The following TOR1AIP2 variants were observed in gnomAD, a reference collection of about 807,000 sequenced individuals.
TOR1AIP2 encodes torsin-1A-interacting protein 2.
In TOR1AIP2, 20 loss-of-function variants were observed where a neutral mutation model predicts 32.6. The observed-to-expected ratio is 0.61, with a 90% CI of 0.43 to 0.89. The LOEUF (loss-of-function observed/expected upper bound fraction) is 0.89. Among genes scored for constraint, TOR1AIP2 ranks in the 40% least tolerant of loss-of-function variants. TOR1AIP2 has a pLI of 0.00. For synonymous variants in TOR1AIP2, 214 were observed against 210.8 expected (o/e 1.02, Z -0.13); for missense variants, 456 against 553.8 (o/e 0.82, Z 1.77).
chr1:179,856,303 A>C (rs927907295), intron 3 of TOR1AIP2, among the ~76,000 whole-genome samples: 1 of 152,246 alleles, frequency 6.6e-6, no homozygotes, highest in African/African-American at 2.4e-5. Flanking sequence ...AACAAACAGA[A>C]CTGAAGGTTT....
intron 3 of TOR1AIP2, chr1:179,864,913 T>C (rs1191599150): frequency 1.9e-6 from 3 of 1,613,844 alleles, no homozygotes; most frequent in Non-Finnish European, 2.5e-6. Flanking sequence ...CCAGAAGAAA[T>C]GGATGGCAAG....
At chr1:179,852,332 T>G (rs1055355230) in intron 4 of TOR1AIP2, among the ~76,000 whole-genome samples, 1 of 151,878 alleles carries the variant, frequency 6.6e-6, no homozygotes, top group Non-Finnish European at 1.5e-5. Flanking sequence ...TCACAGGATA[T>G]ATATAACTCT....
At chr1:179,860,904 T>C in intron 3 of TOR1AIP2, 1 of 985,478 alleles carries the variant, frequency 1.0e-6, no homozygotes, top group South Asian at 4.7e-5. Context: ...TGCCACATAT[T>C]CTTTGGATGC....
intron 3 of TOR1AIP2, chr1:179,863,418 C>G (rs1339142318): frequency 1.0e-6 from 1 of 985,016 alleles, no homozygotes; most frequent in African/African-American, 1.8e-5. Flanking sequence ...AAAACACTGA[C>G]TTGAAAGAAA....
chr1:179,846,698 C>CA lies in TOR1AIP2; in HGVS notation c.785dup (p.Leu262PhefsTer4). ...AACTCTGGCCTGGAAATTTATCTTCCAATTGGCTAAACTGGGCCAAAAAGG... is the reference window on the plus strand; with the variant it reads ...AACTCTGGCCTGGAAATTTATCTTCCAAATTGGCTAAACTGGGCCAAAAAGG... On this transcript the variant is annotated frameshift_variant, in exon 7 of 7. Coordinates refer to ENST00000609928, the MANE Select transcript of TOR1AIP2 (RefSeq NM_001199260.2). LOFTEE classifies it high-confidence loss of function. The CA allele has an allele frequency of 6.2e-7, 1 of 1,614,132 alleles. No homozygotes were observed. The highest frequency in any genetic ancestry group is 8.5e-7 in the Non-Finnish European group (1 of 1,180,020).
intron 3 of TOR1AIP2, among the ~76,000 whole-genome samples, chr1:179,853,475 A>G (rs1169065680): frequency 1.3e-5 from 2 of 152,188 alleles, no homozygotes; most frequent in Non-Finnish European, 2.9e-5. Context: ...CAATAAAAAC[A>G]GTCATATTTT....
rs758990706 is a variant in TOR1AIP2 at position 179,851,252 on chromosome 1, A to G, written c.146T>C (p.Leu49Pro). The G allele has an allele frequency of 2.6e-5, 42 of 1,612,854 alleles. No individual in the cohort carries two copies. The highest frequency in any genetic ancestry group is 1.6e-4 in the Middle Eastern group (1 of 6,062). The part of the protein sequence containing the change: ...EAEILHSACG[L>P]SKDHQEVETE... ...CTCTACCTCTTGGTGGTCTTTGCTA[A>G]GACCACAGGCAGAGTGTAGGATCTC... The change falls in exon 5 of 7, where the codon CTT becomes CCT. Residue 49 changes from leucine (L) to proline (P), a missense_variant. Leu to Pro is a moderately conservative substitution (Grantham distance 98, BLOSUM62 -3). Coordinates refer to ENST00000609928, the MANE Select transcript of TOR1AIP2 (RefSeq NM_001199260.2).
Position 179,845,049 on chromosome 1 carries a change from T to C in TOR1AIP2, c.*1022A>G, listed in dbSNP as rs553696842. The C allele has an allele frequency of 4.3e-4, 66 of 152,340 alleles. No homozygotes were observed. Among genetic ancestry groups the C allele is most frequent in the African/African-American group, 1.5e-3 (63 of 41,586 alleles). 9.4% of individuals were successfully genotyped at this position (152,340 alleles called of 1,614,324 possible). On this transcript the variant is annotated 3_prime_UTR_variant, in exon 7 of 7. Transcript: ENST00000609928. Reference sequence around the variant, plus strand: ...GCTAGCTTATACATTCTGCTGTTCATGTATAGATCTTTATCCTTCATAAAT... The same window carrying C: ...GCTAGCTTATACATTCTGCTGTTCACGTATAGATCTTTATCCTTCATAAAT...
rs370859262 is a variant in TOR1AIP2 at position 179,864,808 on chromosome 1, T to C, written c.-147+628A>G. The C allele has an allele frequency of 7.5e-6, 12 of 1,603,374 alleles. No homozygotes were observed. In the East Asian group the frequency reaches 1.6e-4, roughly 21 times the overall value. ...ATTTGTTTTGGCCCAGTTTTTTGTT[T>C]AAGGTTTTATCTGTTCTGGTCAAGA... On this transcript the variant is annotated intron_variant, in intron 3 of 6. Coordinates refer to ENST00000609928, the MANE Select transcript of TOR1AIP2 (RefSeq NM_001199260.2).
chr1:179,867,779 G>C (rs1054155587), intron 2 of TOR1AIP2: 1 of 152,130 alleles, frequency 6.6e-6, no homozygotes. Context: ...CCAACCTTCA[G>C]TTTTACAACT....
At position 179,851,119 on chromosome 1, in the gene TOR1AIP2, ACT is replaced by A. The variant is rs1696099807; in HGVS notation, c.277_278del (p.Ser93PhefsTer17). 6.2e-7 allele frequency: 1 copy of A among 1,612,404 alleles called. No individual in the cohort carries two copies. Among genetic ancestry groups the A allele is most frequent in the African/African-American group, 1.3e-5 (1 of 74,290 alleles). The stretch of plus-strand genomic sequence containing the variant: ...GATGCCCTTTTCCGCCATCCAGAAA[ACT>A]CTGCTTGTTCTCATCTTCTGTTTTA... ...KDKTEDENKQ[S>X]FLDGGKGHHL... is the part of the protein sequence containing the mutation. On this transcript the variant is annotated frameshift_variant, in exon 5 of 7. Coordinates refer to ENST00000609928, the MANE Select transcript of TOR1AIP2 (RefSeq NM_001199260.2). LOFTEE classifies it high-confidence loss of function.
At chr1:179,849,863 A>G (rs974867241) in intron 5 of TOR1AIP2, among the ~76,000 whole-genome samples, 4 of 152,296 alleles carry the variant, frequency 2.6e-5, no homozygotes, top group African/African-American at 9.6e-5. Context: ...GAGATACACA[A>G]TGAATGAGAG....
At chr1:179,859,152 C>T (rs1014961375) in intron 3 of TOR1AIP2, 1 of 985,244 alleles carries the variant, frequency 1.0e-6, no homozygotes, top group Non-Finnish European at 1.2e-6. Flanking sequence ...TACAATCCTG[C>T]TATGAAAACG....
intron 3 of TOR1AIP2, chr1:179,864,496 T>C: frequency 8.9e-7 from 1 of 1,117,612 alleles, no homozygotes; most frequent in Non-Finnish European, 1.1e-6. Flanking sequence ...TGCAGAAATT[T>C]TTTTAGGAGT....
intron 3 of TOR1AIP2, chr1:179,860,484 A>G: frequency 1.0e-6 from 1 of 985,564 alleles, no homozygotes; most frequent in Non-Finnish European, 1.2e-6. Context: ...TCTGTCTCAA[A>G]AAAACAAAAC....
At chr1:179,873,516 A>G (rs1450657991) in intron 2 of TOR1AIP2, among the ~76,000 whole-genome samples, 2 of 152,152 alleles carry the variant, frequency 1.3e-5, no homozygotes, top group African/African-American at 4.8e-5. Flanking sequence ...AACCTTGATC[A>G]CTTTGTTAAC....
rs1187580510 is a variant in TOR1AIP2, at chr1:179,842,545, T to TACAATTC, written c.*3519_*3525dup. On this transcript the variant is annotated 3_prime_UTR_variant, in exon 7 of 7. Transcript: ENST00000609928. ...AGTTTCTGATTCTACCAATTGGTTC[T>TACAATTC]ACAATTCTGGGATTACTCAAGAAGT... 1 of 152,238 alleles carries TACAATTC rather than the reference T, an allele frequency of 6.6e-6. No individual in the cohort carries two copies. Among genetic ancestry groups the TACAATTC allele is most frequent in the Non-Finnish European group, 1.5e-5 (1 of 68,036 alleles). 9.4% of individuals were successfully genotyped at this position (152,238 alleles called of 1,614,324 possible).
At chr1:179,859,982 A>T in intron 3 of TOR1AIP2, 1 of 547,094 alleles carries the variant, frequency 1.8e-6, no homozygotes, top group Non-Finnish European at 2.3e-6. Context: ...GACTACAGGC[A>T]CATACCACCA....
chr1:179,843,409 G>A lies in TOR1AIP2; in HGVS notation c.*2662C>T, dbSNP rs1212914581. 1 of 151,330 alleles carries A rather than the reference G, an allele frequency of 6.6e-6. No homozygotes were observed. The highest frequency in any genetic ancestry group is 2.4e-5 in the African/African-American group (1 of 40,970). The allele number at this position is 151,330 out of a possible 1,614,324, so 9.4% of individuals were successfully genotyped here. ...TAATCCCAGCTACTTGGGAGGCTGA[G>A]GCACAAGAATCACTTGAACCCAGGA... On this transcript the variant is annotated 3_prime_UTR_variant, in exon 7 of 7. Transcript: ENST00000609928.
Sources: allele counts gnomAD v4.1 joint callset (sites outside exome capture counted in the v4.1 genomes callset), GRCh38; gene constraint gnomAD v4.1.1; transcripts MANE v1.5; gene names NCBI Gene and HGNC (gene_info 2026-07-23, HGNC 2026-07-21).